Variants in CNTN5 observed in about 807,000 individuals in gnomAD.
CNTN5 encodes the protein contactin-5.
CNTN5 carries 77 observed loss-of-function variants against 129.1 expected under a neutral mutation model. That is an observed-to-expected ratio of 0.60 (90% CI 0.50 to 0.72). The LOEUF is 0.72. CNTN5 is among the 30% of genes least tolerant of loss of function. CNTN5 has a pLI of 0.00. For synonymous variants in CNTN5, 509 were observed against 465.6 expected (o/e 1.09, Z -1.20); for missense variants, 1,478 against 1,328.8 (o/e 1.11, Z -1.75).
intron 3 of CNTN5, among the ~76,000 whole-genome samples, chr11:99,787,117 T>TTTA (rs1565531548): frequency 2.0e-5 from 3 of 150,702 alleles, no homozygotes; most frequent in East Asian, 3.9e-4. Context: ...TATTTATTTA[T>TTTA]TTATTATTAT....
intron 3 of CNTN5, among the ~76,000 whole-genome samples, chr11:99,561,776 G>A (rs1173700500): frequency 7.7e-4 from 1 of 1,298 alleles, no homozygotes; most frequent in Non-Finnish European, 9.8e-3. Flanking sequence ...CTTTTGCACA[G>A]AAAGAGGAGA....
chr11:100,250,248 C>CA (rs1446637749), intron 16 of CNTN5, among the ~76,000 whole-genome samples: 1 of 151,958 alleles, frequency 6.6e-6, no homozygotes, highest in Non-Finnish European at 1.5e-5. Context: ...TTTGATTTAA[C>CA]AAAAATGAAA....
chr11:100,303,719 A>G (rs1416404560), intron 20 of CNTN5, among the ~76,000 whole-genome samples: 1 of 151,686 alleles, frequency 6.6e-6, no homozygotes, highest in African/African-American at 2.4e-5. Context: ...GAGCTACCAC[A>G]GCTCAAATTA....
chr11:99,251,846 C>G (rs770033450), intron 1 of CNTN5, among the ~76,000 whole-genome samples: 2 of 151,914 alleles, frequency 1.3e-5, no homozygotes, highest in African/African-American at 2.4e-5. Context: ...TATGGAGAAG[C>G]TTTTGTGTCC....
At chr11:99,831,737 G>T (rs988468388) in intron 4 of CNTN5, among the ~76,000 whole-genome samples, 2 of 152,102 alleles carry the variant, frequency 1.3e-5, no homozygotes, top group Admixed American at 6.6e-5. Flanking sequence ...CAATGTGATC[G>T]AGAAGTGGTT....
intron 6 of CNTN5, among the ~76,000 whole-genome samples, chr11:99,882,576 T>C (rs1455257232): frequency 6.6e-6 from 1 of 152,150 alleles, no homozygotes; most frequent in East Asian, 1.9e-4. Flanking sequence ...ATTTAATTTT[T>C]GTGGGTACAT....
chr11:99,173,361 C>A (rs181558461), intron 1 of CNTN5, among the ~76,000 whole-genome samples: 2 of 152,172 alleles, frequency 1.3e-5, no homozygotes, highest in Admixed American at 6.5e-5. Flanking sequence ...CTAGCTAGAA[C>A]CAAGCCATCC....
intron 15 of CNTN5, among the ~76,000 whole-genome samples, chr11:100,199,358 C>T (rs1477527050): frequency 6.6e-6 from 1 of 151,898 alleles, no homozygotes; most frequent in Non-Finnish European, 1.5e-5. Context: ...TCAGATCCTA[C>T]CTCTTGGTTC....
chr11:99,736,531 G>T (rs998838901), intron 3 of CNTN5, among the ~76,000 whole-genome samples: 4 of 152,098 alleles, frequency 2.6e-5, no homozygotes, highest in African/African-American at 9.7e-5. Context: ...TGTGTTAGAC[G>T]ATTGTATCTA....
At chr11:100,352,742 GT>G (rs2139043212) in intron 24 of CNTN5, among the ~76,000 whole-genome samples, 1 of 151,854 alleles carries the variant, frequency 6.6e-6, no homozygotes, top group South Asian at 2.1e-4. Flanking sequence ...TAAAAGTATA[GT>G]TTTAACAACA....
At chr11:100,036,768 TTGTC>T (rs1225311088) in intron 9 of CNTN5, among the ~76,000 whole-genome samples, 1 of 148,348 alleles carries the variant, frequency 6.7e-6, no homozygotes, top group African/African-American at 2.5e-5. Context: ...GGCTCTCTGT[TTGTC>T]TGTTATTGGT....
intron 4 of CNTN5, among the ~76,000 whole-genome samples, chr11:99,841,393 G>C (rs1456128470): frequency 1.3e-5 from 2 of 152,126 alleles, no homozygotes; most frequent in Non-Finnish European, 2.9e-5. Flanking sequence ...TTTGGAACCA[G>C]AGAATCTTAA....
intron 2 of CNTN5, among the ~76,000 whole-genome samples, chr11:99,428,430 A>G (rs572926403): frequency 1.9e-4 from 29 of 151,812 alleles, no homozygotes; most frequent in African/African-American, 6.8e-4. Context: ...GCTTCGTGGC[A>G]TGTCCCTGTA....
intron 6 of CNTN5, among the ~76,000 whole-genome samples, chr11:99,911,543 T>A (rs1264385617): frequency 6.6e-6 from 1 of 151,948 alleles, no homozygotes; most frequent in Non-Finnish European, 1.5e-5. Context: ...GCTATTATAT[T>A]TAACATACGT....
At chr11:99,377,050 G>GT (rs1375106112) in intron 2 of CNTN5, among the ~76,000 whole-genome samples, 1 of 152,150 alleles carries the variant, frequency 6.6e-6, no homozygotes, top group Non-Finnish European at 1.5e-5. Flanking sequence ...CTTAAGAAAG[G>GT]TTGGGAGGGT....
chr11:99,868,844 C>T (rs1376502077), intron 6 of CNTN5, among the ~76,000 whole-genome samples: 4 of 151,986 alleles, frequency 2.6e-5, no homozygotes, highest in Non-Finnish European at 5.9e-5. Context: ...TAAGAGGGGA[C>T]ACGTATAGGT....
chr11:99,767,412 G>T (rs912950007), intron 3 of CNTN5, among the ~76,000 whole-genome samples: 1 of 151,958 alleles, frequency 6.6e-6, no homozygotes, highest in African/African-American at 2.4e-5. Flanking sequence ...AAGAAAGCTG[G>T]TGTCAACACA....
chr11:99,388,683 A>G (rs1450029452), intron 2 of CNTN5, among the ~76,000 whole-genome samples: 1 of 152,196 alleles, frequency 6.6e-6, no homozygotes, highest in Non-Finnish European at 1.5e-5. Flanking sequence ...TCAGTGAAAG[A>G]AAGAACACGA....
chr11:99,283,030 A>C (rs1863769089), intron 1 of CNTN5, among the ~76,000 whole-genome samples: 1 of 152,100 alleles, frequency 6.6e-6, no homozygotes, highest in African/African-American at 2.4e-5. Context: ...GAAAGATGTC[A>C]TGTGGCTAAT....
Sources: gnomAD v4.1 joint callset for allele counts (sites outside exome capture counted in the v4.1 genomes callset) on GRCh38, gnomAD v4.1.1 for gene constraint, MANE v1.5 for transcripts, NCBI Gene and HGNC (gene_info 2026-07-23, HGNC 2026-07-21) for gene names.